The following FANCC variants were observed in gnomAD, a reference collection of about 807,000 sequenced individuals.
The protein encoded by FANCC is Fanconi anemia group C protein.
FANCC carries 55 observed loss-of-function variants against 71.3 expected under a neutral mutation model. That is an observed-to-expected ratio of 0.77 (90% confidence interval 0.62 to 0.97). The LOEUF (loss-of-function observed/expected upper bound fraction) is 0.97, where lower values mean the gene tolerates loss of function less well. Ranked by LOEUF, FANCC falls within the 50% of genes least tolerant of loss-of-function variation. FANCC has a pLI of 0.00. For missense variants in FANCC, 678 were observed against 670.9 expected, an observed-to-expected ratio of 1.01 and a Z score of -0.12; for synonymous variants, 275 against 244.9, an observed-to-expected ratio of 1.12 and a Z score of -1.15.
intron 1 of FANCC, among the ~76,000 whole-genome samples, chr9:95,269,374 G>T (rs145228375): frequency 6.6e-6 from 1 of 152,200 alleles, no homozygotes; most frequent in Non-Finnish European, 1.5e-5. Context: ...TTACAAACTC[G>T]TTGAAAGATG....
At chr9:95,121,858 A>G (rs546791279) in intron 10 of FANCC, among the ~76,000 whole-genome samples, 8 of 138,152 alleles carry the variant, frequency 5.8e-5, no homozygotes, top group African/African-American at 2.1e-4. Flanking sequence ...CATAAAATTC[A>G]TTTTTTTTTT....
intron 6 of FANCC, among the ~76,000 whole-genome samples, chr9:95,161,691 G>C (rs975911852): frequency 2.0e-5 from 3 of 152,122 alleles, no homozygotes; most frequent in Non-Finnish European, 4.4e-5. Context: ...CAGTACAGTA[G>C]TGTTAACTAT....
At position 95,294,588 on chromosome 9, in the gene FANCC, T is replaced by C. The variant is rs1289359899; in HGVS notation, c.-79+22938A>G. 5.8e-6 allele frequency: 9 copies of C among 1,540,672 alleles called. No individual in the cohort carries two copies. The East Asian group carries it at 1.6e-4, about 27-fold the overall frequency. On this transcript the variant is annotated intron_variant, in intron 1 of 14. Transcript: ENST00000289081. ...CTGAAGGAATCTCCACTGTTAAAGA[T>C]ATACCTGCTCTAGAAAGCAAAGTTC...
At chr9:95,259,936 A>C (rs1261640623) in intron 1 of FANCC, among the ~76,000 whole-genome samples, 2 of 152,234 alleles carry the variant, frequency 1.3e-5, no homozygotes, top group African/African-American at 4.8e-5. Context: ...AACATATGAA[A>C]ACAAGTTCAT....
intron 1 of FANCC, among the ~76,000 whole-genome samples, chr9:95,251,027 CCCAGCTCACCACGGT>C (rs1831298368): frequency 6.6e-6 from 1 of 152,164 alleles, no homozygotes; most frequent in South Asian, 2.1e-4. Flanking sequence ...TTCCTCTCTC[CCCAGCTCACCACGGT>C]CCAGCCCATG....
At chr9:95,192,999 G>C (rs1245006362) in intron 4 of FANCC, among the ~76,000 whole-genome samples, 1 of 152,134 alleles carries the variant, frequency 6.6e-6, no homozygotes, top group African/African-American at 2.4e-5. Flanking sequence ...AATAGATTAG[G>C]GGATATTTAT....
intron 3 of FANCC, among the ~76,000 whole-genome samples, chr9:95,242,213 A>C (rs4647432): frequency 0.23 from 34,259 of 152,044 alleles, 5,009 homozygotes; most frequent in Non-Finnish European, 0.33. Context: ...AAGCATTATA[A>C]AGCACTGGCT....
chr9:95,290,820 C>A (rs1833953844), intron 1 of FANCC, among the ~76,000 whole-genome samples: 1 of 152,054 alleles, frequency 6.6e-6, no homozygotes, highest in Admixed American at 6.5e-5. Flanking sequence ...TGCAGAAGTC[C>A]TCACTCAACA....
At chr9:95,113,524 C>T (rs1309424233) in intron 12 of FANCC, among the ~76,000 whole-genome samples, 3 of 151,818 alleles carry the variant, frequency 2.0e-5, no homozygotes, top group South Asian at 2.1e-4. Flanking sequence ...CCAGGCACAG[C>T]GGTCCACACC....
chr9:95,301,744 T>C (rs1334762029), intron 1 of FANCC, among the ~76,000 whole-genome samples: 1 of 151,988 alleles, frequency 6.6e-6, no homozygotes, highest in African/African-American at 2.4e-5. Context: ...CCTGTGTTTT[T>C]CAATTTAATT....
intron 6 of FANCC, among the ~76,000 whole-genome samples, chr9:95,165,509 G>A (rs1378306208): frequency 6.6e-6 from 1 of 151,972 alleles, no homozygotes; most frequent in Non-Finnish European, 1.5e-5. Context: ...TTTGTCTCAA[G>A]TTATTGTCTG....
At chr9:95,303,883 T>C (rs1265190439) in intron 1 of FANCC, among the ~76,000 whole-genome samples, 1 of 152,090 alleles carries the variant, frequency 6.6e-6, no homozygotes, top group Non-Finnish European at 1.5e-5. Flanking sequence ...TGAGTTCCAA[T>C]ATGGAAGGGA....
chr9:95,230,068 A>G (rs901338429), intron 4 of FANCC, among the ~76,000 whole-genome samples: 3 of 151,248 alleles, frequency 2.0e-5, no homozygotes, highest in African/African-American at 7.3e-5. Flanking sequence ...ATCCTCTTTA[A>G]ATGGTTGCTT....
At chr9:95,157,228 A>T (rs1830503221) in intron 6 of FANCC, among the ~76,000 whole-genome samples, 1 of 152,210 alleles carries the variant, frequency 6.6e-6, no homozygotes, top group South Asian at 2.1e-4. Context: ...AAGTCTCAGA[A>T]AATATAGAAA....
intron 1 of FANCC, among the ~76,000 whole-genome samples, chr9:95,251,385 G>C (rs2094831516): frequency 6.6e-6 from 1 of 152,028 alleles, no homozygotes; most frequent in East Asian, 1.9e-4. Context: ...GTGCGATGTT[G>C]GTTCACTGCA....
chr9:95,272,018 G>GCTCAAC lies in FANCC; in HGVS notation c.-78-22655_-78-22650dup, dbSNP rs377575290. On this transcript the variant is annotated intron_variant, in intron 1 of 14. Transcript: ENST00000289081. The stretch of plus-strand genomic sequence containing the variant: ...GTGGCGCGATCCTGGCTCACTGCAA[G>GCTCAAC]CTCAACCTCCCGGGTTCACGCCATT... Among the ~76,000 whole-genome samples the GCTCAAC allele has an allele frequency of 1.2e-3, 168 of 137,676 alleles. 1 individual carries two copies. The highest frequency in any genetic ancestry group is 4.4e-3 in the African/African-American group (164 of 36,966). The allele number at this position is 137,676 out of a possible 152,430, so 90.3% of individuals were successfully genotyped here.
At chr9:95,271,360 C>T (rs762854251) in intron 1 of FANCC, among the ~76,000 whole-genome samples, 1 of 152,142 alleles carries the variant, frequency 6.6e-6, no homozygotes, top group Non-Finnish European at 1.5e-5. Context: ...GGAGCTTGTC[C>T]TGGAATATCA....
chr9:95,121,820 C>T (rs1364378135), intron 10 of FANCC, among the ~76,000 whole-genome samples: 1 of 151,638 alleles, frequency 6.6e-6, no homozygotes, highest in East Asian at 1.9e-4. Context: ...GATCAAACTA[C>T]TTTCAGAAAG....
chr9:95,162,636 T>G (rs1175715079), intron 6 of FANCC, among the ~76,000 whole-genome samples: 1 of 152,210 alleles, frequency 6.6e-6, no homozygotes, highest in Non-Finnish European at 1.5e-5. Flanking sequence ...CTCTTTCTTC[T>G]TTTGATAGTG....
Sources: allele counts gnomAD v4.1 joint callset (sites outside exome capture counted in the v4.1 genomes callset), GRCh38; gene constraint gnomAD v4.1.1; transcripts MANE v1.5; gene names NCBI Gene and HGNC (gene_info 2026-07-23, HGNC 2026-07-21).